Variants in ADAM10 observed in about 807,000 individuals in gnomAD.
ADAM10 encodes ADAM metallopeptidase domain 10.
A neutral mutation model predicts 90.1 loss-of-function variants in ADAM10; 17 were observed. The observed-to-expected ratio is 0.19, with a 90% CI of 0.13 to 0.28. ADAM10 has a LOEUF of 0.28. ADAM10 is among the 10% of genes least tolerant of loss of function. The pLI is 1.00. For synonymous variants in ADAM10, 310 were observed against 298.6 expected (o/e 1.04, Z -0.40); for missense variants, 610 against 914.3 (o/e 0.67, Z 4.29).
chr15:58,655,721 A>G (rs1315680200), intron 5 of ADAM10, among the ~76,000 whole-genome samples: 3 of 80,532 alleles, frequency 3.7e-5, no homozygotes, highest in Non-Finnish European at 7.3e-5. Context: ...GTATATATAT[A>G]TATATATATA....
chr15:58,626,888 T>C (rs1895964652), intron 10 of ADAM10, among the ~76,000 whole-genome samples: 1 of 152,156 alleles, frequency 6.6e-6, no homozygotes, highest in African/African-American at 2.4e-5. Flanking sequence ...TGAATGTAAT[T>C]GATTACATTC....
In ADAM10 at chr15:58,596,509, G is replaced by A. The variant is rs200115242; in HGVS notation, c.*1038C>T. ...TCAGTGATGATATGCTGAAAAAACC[G>A]TTTAAATATTTTGATAAAGACACAG... On this transcript the variant is annotated 3_prime_UTR_variant, in exon 16 of 16. Coordinates refer to ENST00000260408, the MANE Select transcript of ADAM10 (RefSeq NM_001110.4). The A allele has an allele frequency of 8.5e-5, 13 of 152,440 alleles. No homozygotes were observed. Among genetic ancestry groups the A allele is most frequent in the African/African-American group, 2.2e-4 (9 of 41,376 alleles). 9.4% of individuals were successfully genotyped at this position (152,440 alleles called of 1,614,324 possible).
intron 2 of ADAM10, among the ~76,000 whole-genome samples, chr15:58,710,961 C>T (rs1421328258): frequency 6.6e-6 from 1 of 152,150 alleles, no homozygotes; most frequent in East Asian, 1.9e-4. Context: ...CAGGCAAGAA[C>T]CAGTGAAGGG....
At chr15:58,699,853 C>T (rs1461209810) in intron 2 of ADAM10, among the ~76,000 whole-genome samples, 1 of 151,974 alleles carries the variant, frequency 6.6e-6, no homozygotes, top group East Asian at 1.9e-4. Flanking sequence ...GCTCACATAC[C>T]AGTAATAACC....
chr15:58,739,799 T>C (rs577513546), intron 1 of ADAM10, among the ~76,000 whole-genome samples: 1 of 152,224 alleles, frequency 6.6e-6, no homozygotes, highest in Non-Finnish European at 1.5e-5. Flanking sequence ...AAAATCATTA[T>C]GACATTCAGT....
Position 58,665,114 on chromosome 15 carries a change from C to T in ADAM10, c.568G>A (p.Val190Ile), listed in dbSNP as rs181371446. ...ERMRKYQMTG[V>I]EEVTQIPQEE... ...ATCCTTACCTGTGTTACTTCCTCTACACCAGTCATCTGGTATTTCCTCATT... is the reference window on the plus strand; with the variant it reads ...ATCCTTACCTGTGTTACTTCCTCTATACCAGTCATCTGGTATTTCCTCATT... The change falls in exon 5 of 16, where the codon GTA becomes ATA. Residue 190 changes from valine (V) to isoleucine (I), a missense_variant. Physicochemically the swap from Val to Ile is conservative, Grantham distance 29. Around this residue, in one of 4 missense-constraint regions of ADAM10, gnomAD observed 310 missense variants for 362.4 expected, o/e 0.86. Coordinates refer to ENST00000260408, the MANE Select transcript of ADAM10 (RefSeq NM_001110.4). 1.2e-6 allele frequency: 2 copies of T among 1,611,392 alleles called. No individual in the cohort carries two copies. Among genetic ancestry groups the T allele is most frequent in the Admixed American group, 1.7e-5 (1 of 59,998 alleles).
chr15:58,691,297 G>A (rs1897781070), intron 2 of ADAM10: 1 of 1,247,948 alleles, frequency 8.0e-7, no homozygotes, highest in South Asian at 1.2e-5. Flanking sequence ...GTAACTGACA[G>A]CAGGCTCTTC....
rs76358118 is a variant in ADAM10 at position 58,682,151 on chromosome 15, A to G, written c.325+45T>C. On this transcript the variant is annotated intron_variant, in intron 3 of 15. Coordinates refer to ENST00000260408, the MANE Select transcript of ADAM10 (RefSeq NM_001110.4). ...CTTCAAAATGAGTATCTTTGTGTAG[A>G]AAAAAAAAAATGGAAGAAAAGGGTT... The G allele has an allele frequency of 3.0e-5, 36 of 1,188,318 alleles. No individual in the cohort carries two copies. The Admixed American group carries it at 6.4e-4, about 21-fold the overall frequency. The allele number at this position is 1,188,318 out of a possible 1,614,324, so 73.6% of individuals were successfully genotyped here. A position where few individuals can be genotyped will look rare whatever the true frequency, so the allele number is the denominator to read the frequency against.
intron 1 of ADAM10, among the ~76,000 whole-genome samples, chr15:58,734,178 TTAAC>T (rs1412384073): frequency 2.6e-5 from 4 of 152,180 alleles, no homozygotes; most frequent in African/African-American, 7.2e-5. Context: ...AATTTCTTGT[TTAAC>T]TAAATTAAAC....
intron 1 of ADAM10, among the ~76,000 whole-genome samples, chr15:58,734,882 C>T (rs1264321736): frequency 6.6e-6 from 1 of 151,964 alleles, no homozygotes; most frequent in Non-Finnish European, 1.5e-5. Context: ...CCTTGATTTC[C>T]ACAGCTAGTG....
chr15:58,685,341 G>C (rs1897560247), intron 2 of ADAM10, among the ~76,000 whole-genome samples: 1 of 150,784 alleles, frequency 6.6e-6, no homozygotes, highest in African/African-American at 2.4e-5. Flanking sequence ...GGTGCCTGTA[G>C]TCCCAGCTAC....
At chr15:58,604,587 C>T (rs971745134) in intron 14 of ADAM10, among the ~76,000 whole-genome samples, 6 of 152,160 alleles carry the variant, frequency 3.9e-5, no homozygotes, top group Non-Finnish European at 7.3e-5. Flanking sequence ...ACAAGTAAGT[C>T]ATTATTTAAA....
Position 58,696,462 on chromosome 15 carries a change from C to CT in ADAM10, c.207-14149dup, listed in dbSNP as rs1430575266. 6.0e-3 allele frequency among the ~76,000 whole-genome samples: 835 copies of CT among 139,274 alleles called. 11 individuals are homozygous for CT. Among genetic ancestry groups the CT allele is most frequent in the African/African-American group, 8.6e-3 (309 of 35,954 alleles). 91.4% of individuals were successfully genotyped at this position (139,274 alleles called of 152,430 possible). A position where few individuals can be genotyped will look rare whatever the true frequency, so the allele number is the denominator to read the frequency against. ...TTGATACTGATTTCTTTTTTTCTTTCTTTCTTTTTTTTTTTTTCCCAAGAT... is the reference window on the plus strand; with the variant it reads ...TTGATACTGATTTCTTTTTTTCTTTCTTTTCTTTTTTTTTTTTTCCCAAGAT... On this transcript the variant is annotated intron_variant, in intron 2 of 15. Transcript: ENST00000260408.
Position 58,641,044 on chromosome 15 carries a change from A to G in ADAM10, c.829-84T>C, listed in dbSNP as rs530297417. On this transcript the variant is annotated intron_variant, in intron 7 of 15. Transcript: ENST00000260408. The stretch of plus-strand genomic sequence containing the variant: ...TGTCTGCTCACCTTCTTCTGCGTAC[A>G]CCTGGACAATATGCTCCCATGGAAA... 492 of 1,289,644 alleles carry G rather than the reference A, an allele frequency of 3.8e-4. 1 individual carries two copies. In the African/African-American group the frequency reaches 6.0e-3, roughly 16 times the overall value. 79.9% of individuals were successfully genotyped at this position (1,289,644 alleles called of 1,614,324 possible). A position where few individuals can be genotyped will look rare whatever the true frequency, so the allele number is the denominator to read the frequency against.
chr15:58,673,975 C>T (rs535058153), intron 4 of ADAM10, among the ~76,000 whole-genome samples: 16 of 152,114 alleles, frequency 1.1e-4, no homozygotes, highest in African/African-American at 3.4e-4. Context: ...CCTCGTGATC[C>T]GCCTGCCTCA....
intron 2 of ADAM10, among the ~76,000 whole-genome samples, chr15:58,705,202 C>G (rs1204819931): frequency 1.3e-5 from 2 of 152,128 alleles, no homozygotes; most frequent in African/African-American, 4.8e-5. Context: ...TTATAATATA[C>G]TACACCGTCA....
chr15:58,607,982 T>G (rs1895325406), intron 14 of ADAM10, among the ~76,000 whole-genome samples: 1 of 152,204 alleles, frequency 6.6e-6, no homozygotes, highest in Non-Finnish European at 1.5e-5. Flanking sequence ...CTCTTAAATG[T>G]TTCAAGAACT....
At chr15:58,737,384 T>C (rs1595669242) in intron 1 of ADAM10, among the ~76,000 whole-genome samples, 1 of 152,140 alleles carries the variant, frequency 6.6e-6, no homozygotes, top group South Asian at 2.1e-4. Context: ...ATAAAGAACC[T>C]GACTGACTAA....
chr15:58,598,106 G>C (rs530856323), intron 15 of ADAM10, among the ~76,000 whole-genome samples: 50 of 152,250 alleles, frequency 3.3e-4, no homozygotes, highest in African/African-American at 1.2e-3. Flanking sequence ...CTTAACCTGA[G>C]ACTCAGATGC....
Sources: gnomAD v4.1 joint callset for allele counts (sites outside exome capture counted in the v4.1 genomes callset) on GRCh38, gnomAD v4.1.1 for gene constraint, gnomAD v4.1.1 regional missense constraint, MANE v1.5 for transcripts, NCBI Gene and HGNC (gene_info 2026-07-23, HGNC 2026-07-21) for gene names.